Variants in DPYD observed in about 807,000 individuals in gnomAD.
The protein encoded by DPYD is dihydropyrimidine dehydrogenase [NADP(+)].
In DPYD, 109 loss-of-function variants were observed where a neutral mutation model predicts 116.2. The ratio of observed to expected loss-of-function variants is 0.94; its 90% CI spans 0.80 to 1.10. The LOEUF is 1.10. Ranked by LOEUF, DPYD falls within the 50% of genes least tolerant of loss-of-function variation. DPYD has a pLI of 0.00. For missense variants in DPYD, 1,302 were observed against 1,254.5 expected, an observed-to-expected ratio of 1.04 and a Z score of -0.57; for synonymous variants, 440 against 432.0, an observed-to-expected ratio of 1.02 and a Z score of -0.23.
chr1:97,587,225 C>G (rs1300019087), intron 10 of DPYD, among the ~76,000 whole-genome samples: 1 of 152,146 alleles, frequency 6.6e-6, no homozygotes, highest in Non-Finnish European at 1.5e-5. Flanking sequence ...ACTTTAATAT[C>G]TTAGTACCAG....
Position 97,078,937 on chromosome 1 carries a change from GTGACA to G in DPYD, c.*34_*38del. Reference sequence around the variant, plus strand: ...GATTTTAAAAGATCAGCATATGTAGGTGACATGAAAGTTCACAGCAACTGTTTCAC... The same window carrying G: ...GATTTTAAAAGATCAGCATATGTAGGTGAAAGTTCACAGCAACTGTTTCAC... On this transcript the variant is annotated 3_prime_UTR_variant, in exon 23 of 23. Coordinates refer to ENST00000370192, the MANE Select transcript of DPYD (RefSeq NM_000110.4). The G allele has an allele frequency of 6.2e-7, 1 of 1,608,330 alleles. No homozygotes were observed. The highest frequency in any genetic ancestry group is 8.5e-7 in the Non-Finnish European group (1 of 1,174,948).
At chr1:97,258,188 C>T (rs1048787533) in intron 18 of DPYD, among the ~76,000 whole-genome samples, 2 of 152,088 alleles carry the variant, frequency 1.3e-5, no homozygotes, top group East Asian at 3.9e-4. Flanking sequence ...CTACAGCCTC[C>T]TTGACCACCT....
At chr1:97,590,169 A>G (rs1354659014) in intron 10 of DPYD, among the ~76,000 whole-genome samples, 1 of 152,198 alleles carries the variant, frequency 6.6e-6, no homozygotes, top group African/African-American at 2.4e-5. Flanking sequence ...TGAAACTTCT[A>G]TGAATGCCAA....
At chr1:97,503,297 G>C (rs1211736795) in intron 13 of DPYD, among the ~76,000 whole-genome samples, 3 of 151,926 alleles carry the variant, frequency 2.0e-5, no homozygotes, top group African/African-American at 7.2e-5. Context: ...ATACTAAGTG[G>C]CTGCCTACCT....
At chr1:97,727,871 A>C (rs1168138627) in intron 4 of DPYD, among the ~76,000 whole-genome samples, 1 of 151,878 alleles carries the variant, frequency 6.6e-6, no homozygotes, top group Non-Finnish European at 1.5e-5. Context: ...CCTTCTACAT[A>C]AGAGGTTTGA....
intron 10 of DPYD, among the ~76,000 whole-genome samples, chr1:97,577,310 G>T (rs1316586806): frequency 6.6e-6 from 1 of 152,134 alleles, no homozygotes; most frequent in Non-Finnish European, 1.5e-5. Context: ...ACATCCCTAT[G>T]AAACGAGTAG....
At chr1:97,824,720 A>C (rs1669144398) in intron 3 of DPYD, among the ~76,000 whole-genome samples, 1 of 152,076 alleles carries the variant, frequency 6.6e-6, no homozygotes, top group Non-Finnish European at 1.5e-5. Flanking sequence ...GTCTAGTCTT[A>C]CTCTGTTAGA....
At chr1:97,213,613 C>T (rs1660188078) in intron 19 of DPYD, among the ~76,000 whole-genome samples, 1 of 152,128 alleles carries the variant, frequency 6.6e-6, no homozygotes, top group African/African-American at 2.4e-5. Context: ...CTACTTCAGT[C>T]AAATACGGGA....
chr1:97,086,010 AATTTATTACT>A (rs1442513949), intron 21 of DPYD, among the ~76,000 whole-genome samples: 1 of 152,186 alleles, frequency 6.6e-6, no homozygotes, highest in Non-Finnish European at 1.5e-5. Flanking sequence ...CATTATTATC[AATTTATTACT>A]TGTTTGAGAT....
At chr1:97,401,748 A>C (rs925909611) in intron 14 of DPYD, among the ~76,000 whole-genome samples, 7 of 152,262 alleles carry the variant, frequency 4.6e-5, no homozygotes, top group Non-Finnish European at 2.9e-5. Context: ...GTTATCTTGT[A>C]GGAATTTTAT....
chr1:97,273,860 G>C (rs1664755813), intron 18 of DPYD, among the ~76,000 whole-genome samples: 1 of 152,002 alleles, frequency 6.6e-6, no homozygotes, highest in South Asian at 2.1e-4. Context: ...AAATTATTTA[G>C]TAATAATATT....
chr1:97,559,377 C>G (rs1043382940), intron 11 of DPYD, among the ~76,000 whole-genome samples: 3 of 151,858 alleles, frequency 2.0e-5, no homozygotes, highest in Non-Finnish European at 4.4e-5. Context: ...TTTTAATTAA[C>G]AAAATAAATC....
In DPYD at chr1:97,573,885, G is replaced by A. The variant is rs745512069; in HGVS notation, c.1214C>T (p.Ala405Val). 15 of 1,613,664 alleles carry A rather than the reference G, an allele frequency of 9.3e-6. 1 individual carries two copies. In the South Asian group the frequency reaches 1.6e-4, roughly 18 times the overall value. ...TTGCTCTGTCCGAACAAACTGCATA[G>A]CAACAATTCTCCCACCTTTTACTAT... Reference protein sequence around the residue: ...KVIVKGGRIVAMQFVRTEQDE... With the variant: ...KVIVKGGRIVVMQFVRTEQDE... The change falls in exon 11 of 23, where the codon GCT (alanine) becomes GTT (valine). Residue 405 changes from alanine to valine, a missense_variant. Ala to Val is a moderately conservative substitution (Grantham distance 64). Transcript: ENST00000370192.
chr1:97,801,519 T>C (rs1412841405), intron 3 of DPYD, among the ~76,000 whole-genome samples: 1 of 151,920 alleles, frequency 6.6e-6, no homozygotes, highest in Non-Finnish European at 1.5e-5. Context: ...TATTAGATAG[T>C]TGTAAGTTCT....
At chr1:97,611,237 T>C (rs568540370) in intron 8 of DPYD, among the ~76,000 whole-genome samples, 1 of 152,194 alleles carries the variant, frequency 6.6e-6, no homozygotes, top group Admixed American at 6.6e-5. Flanking sequence ...AAACTCTTGC[T>C]TTTAAAACCA....
intron 5 of DPYD, among the ~76,000 whole-genome samples, chr1:97,715,415 G>A (rs1662559174): frequency 6.6e-6 from 1 of 152,074 alleles, no homozygotes; most frequent in Non-Finnish European, 1.5e-5. Context: ...TATTTCAATT[G>A]TTGGCTTTAT....
chr1:97,174,188 C>T (rs567342445), intron 20 of DPYD, among the ~76,000 whole-genome samples: 2 of 152,158 alleles, frequency 1.3e-5, no homozygotes, highest in Non-Finnish European at 2.9e-5. Flanking sequence ...AATATCCTAT[C>T]GGCAATCAAT....
intron 18 of DPYD, among the ~76,000 whole-genome samples, chr1:97,304,259 C>T (rs1006011725): frequency 3.3e-5 from 5 of 151,954 alleles, no homozygotes; most frequent in East Asian, 3.9e-4. Flanking sequence ...ACGCGGTCCA[C>T]GTTATTCTGC....
intron 20 of DPYD, among the ~76,000 whole-genome samples, chr1:97,180,117 T>C (rs995919084): frequency 6.8e-6 from 1 of 147,006 alleles, no homozygotes; most frequent in Admixed American, 6.8e-5. Flanking sequence ...TTTGTTTGAC[T>C]TTTTTTTTTG....
Sources: allele counts gnomAD v4.1 joint callset (sites outside exome capture counted in the v4.1 genomes callset), GRCh38; gene constraint gnomAD v4.1.1; transcripts MANE v1.5; gene names NCBI Gene and HGNC (gene_info 2026-07-23, HGNC 2026-07-21).